CHN2: variants seen among roughly 807,000 people sequenced by gnomAD.
CHN2 encodes chimerin 2.
A neutral mutation model predicts 56.3 loss-of-function variants in CHN2; 35 were observed. The observed-to-expected ratio is 0.62, with a 90% CI of 0.47 to 0.82. The LOEUF (loss-of-function observed/expected upper bound fraction) is 0.82, where lower values mean the gene tolerates loss of function less well. Ranked by LOEUF, CHN2 falls within the 40% of genes least tolerant of loss-of-function variation. The pLI is 0.00. For missense variants in CHN2, 491 were observed against 580.5 expected (o/e 0.85, Z 1.58); for synonymous variants, 210 against 212.8 (o/e 0.99, Z 0.12).
chr7:29,273,413 G>A (rs1790916030), intron 1 of CHN2, among the ~76,000 whole-genome samples: 1 of 109,932 alleles, frequency 9.1e-6, no homozygotes, highest in Admixed American at 9.9e-5. Context: ...TTCTTTATTG[G>A]TTCGTTCATC....
intron 2 of CHN2, among the ~76,000 whole-genome samples, chr7:29,166,203 G>A (rs1285594076): frequency 6.6e-6 from 1 of 151,430 alleles, no homozygotes; most frequent in Admixed American, 6.6e-5. Flanking sequence ...GTTTTTTTTT[G>A]TTTTTGTTTT....
At chr7:29,164,907 T>C (rs1291180157) in intron 2 of CHN2, among the ~76,000 whole-genome samples, 1 of 152,166 alleles carries the variant, frequency 6.6e-6, no homozygotes, top group African/African-American at 2.4e-5. Context: ...GATCTTTGTA[T>C]ATCTATCATT....
At chr7:29,316,522 G>A (rs1048948765) in intron 1 of CHN2, among the ~76,000 whole-genome samples, 4 of 152,154 alleles carry the variant, frequency 2.6e-5, no homozygotes, top group Admixed American at 6.5e-5. Flanking sequence ...ACACAGTTCA[G>A]TATCATGCAG....
chr7:29,283,922 CTTTTTTTTTTTTTTT>C (rs70980520), intron 1 of CHN2, among the ~76,000 whole-genome samples: 4 of 70,002 alleles, frequency 5.7e-5, no homozygotes, highest in South Asian at 4.9e-4. Context: ...CAGCCAAGCT[CTTTTTTTTTTTTTTT>C]TTTTTTTTTT....
chr7:29,371,438 G>C (rs192614426), intron 3 of CHN2, among the ~76,000 whole-genome samples: 1 of 152,296 alleles, frequency 6.6e-6, no homozygotes, highest in East Asian at 1.9e-4. Context: ...ATGCTCTGCT[G>C]GCACTTCCTG....
At chr7:29,417,333 CTTTTTTTTTTT>C (rs5883209) in intron 6 of CHN2, among the ~76,000 whole-genome samples, 89 of 121,134 alleles carry the variant, frequency 7.3e-4, no homozygotes, top group Non-Finnish European at 1.1e-3. Context: ...TACTGTAACC[CTTTTTTTTTTT>C]TTTTTTTTTA....
At chr7:29,276,008 A>T (rs1264605284) in intron 1 of CHN2, among the ~76,000 whole-genome samples, 2 of 152,114 alleles carry the variant, frequency 1.3e-5, no homozygotes. Context: ...CGCATTACCC[A>T]ATATGCCTGT....
intron 12 of CHN2, among the ~76,000 whole-genome samples, chr7:29,511,213 GAAGACATACAA>G (rs1791338862): frequency 6.6e-6 from 1 of 151,366 alleles, no homozygotes; most frequent in Non-Finnish European, 1.5e-5. Context: ...AGACATACAA[GAAGACATACAA>G]TATTGTTGCT....
chr7:29,303,804 A>G (rs1793916708), intron 1 of CHN2, among the ~76,000 whole-genome samples: 1 of 152,214 alleles, frequency 6.6e-6, no homozygotes, highest in Non-Finnish European at 1.5e-5. Context: ...TCACGCTTGT[A>G]ATCCCAGCAC....
At chr7:29,499,765 C>A in intron 8 of CHN2, 102 bp from the exon 9 acceptor site, 1 of 1,111,186 alleles carries the variant, frequency 9.0e-7, no homozygotes, top group Non-Finnish European at 1.3e-6. Context: ...AGAAATATGT[C>A]AAACCCTTGG....
chr7:29,159,946 G>T (rs1415659310), intron 2 of CHN2, among the ~76,000 whole-genome samples: 1 of 152,182 alleles, frequency 6.6e-6, no homozygotes, highest in Non-Finnish European at 1.5e-5. Flanking sequence ...GGCATCCTTT[G>T]TGTGCCCATG....
chr7:29,197,149 G>C (rs144941577), intron 1 of CHN2, among the ~76,000 whole-genome samples: 160 of 152,308 alleles, frequency 1.1e-3, no homozygotes, highest in Non-Finnish European at 1.8e-3. Context: ...TGTGGTGGCA[G>C]CTGGGCTCTC....
intron 2 of CHN2, among the ~76,000 whole-genome samples, chr7:29,178,343 A>G (rs966226651): frequency 6.6e-6 from 1 of 152,188 alleles, no homozygotes; most frequent in African/African-American, 2.4e-5. Flanking sequence ...CGTGGCTGCT[A>G]GGATCTGACA....
chr7:29,219,067 G>A (rs991262243), intron 1 of CHN2, among the ~76,000 whole-genome samples: 1 of 152,146 alleles, frequency 6.6e-6, no homozygotes, highest in Admixed American at 6.5e-5. Context: ...GATGCAGTGC[G>A]TATTATAAAT....
intron 1 of CHN2, among the ~76,000 whole-genome samples, chr7:29,332,511 G>A (rs371305167): frequency 6.6e-6 from 1 of 152,060 alleles, no homozygotes; most frequent in Non-Finnish European, 1.5e-5. Context: ...CTGGTGATAC[G>A]GCCTAAAATG....
At chr7:29,310,336 A>G (rs192293820) in intron 1 of CHN2, among the ~76,000 whole-genome samples, 38 of 152,358 alleles carry the variant, frequency 2.5e-4, no homozygotes, top group African/African-American at 9.1e-4. Flanking sequence ...ATATAATCAC[A>G]TTCATGTTTA....
chr7:29,384,503 C>G (rs558401762), intron 3 of CHN2, among the ~76,000 whole-genome samples: 1 of 152,136 alleles, frequency 6.6e-6, no homozygotes, highest in African/African-American at 2.4e-5. Context: ...GTTGGCTCCT[C>G]CTCTGCTCCT....
Position 29,509,331 on chromosome 7 carries a change from C to G in CHN2, c.1160C>G (p.Ala387Gly). ...KISNADERLE[A>G]VHEVLMLLPP... ...TCCAATGCAGATGAGAGGCTGGAAGCCGTCCATGAAGTGCTGATGCTGCTG... is the reference window on the plus strand; with the variant it reads ...TCCAATGCAGATGAGAGGCTGGAAGGCGTCCATGAAGTGCTGATGCTGCTG... Residue 387 changes from alanine (A) to glycine (G), a missense_variant, in exon 12 of 13, where the codon GCC becomes GGC. Ala to Gly is a moderately conservative substitution (Grantham distance 60). Coordinates refer to ENST00000222792, the MANE Select transcript of CHN2 (RefSeq NM_004067.4). The G allele has an allele frequency of 6.2e-7, 1 of 1,613,998 alleles. No individual in the cohort carries two copies. The highest frequency in any genetic ancestry group is 8.5e-7 in the Non-Finnish European group (1 of 1,179,906).
intron 6 of CHN2, among the ~76,000 whole-genome samples, chr7:29,460,823 G>C (rs1328304726): frequency 6.6e-6 from 1 of 152,210 alleles, no homozygotes; most frequent in Non-Finnish European, 1.5e-5. Context: ...CGGGCTTCTG[G>C]AAGCCTTGTT....
Sources: gnomAD v4.1 joint callset for allele counts (sites outside exome capture counted in the v4.1 genomes callset) on GRCh38, gnomAD v4.1.1 for gene constraint, MANE v1.5 for transcripts, NCBI Gene and HGNC (gene_info 2026-07-23, HGNC 2026-07-21) for gene names.